Variants in INTS9 observed in about 807,000 individuals in gnomAD.
INTS9 encodes the protein protein related to CPSF subunits of 74 kDa.
In INTS9, 55 loss-of-function variants were observed where a neutral mutation model predicts 79.7. The observed-to-expected ratio is 0.69, with a 90% CI of 0.56 to 0.86. INTS9 has a LOEUF of 0.86. Among genes scored for constraint, INTS9 ranks in the 40% least tolerant of loss-of-function variants. The probability of loss-of-function intolerance (pLI) is 0.00; values close to 1 mark genes in which losing one functional copy is unlikely to be tolerated. For missense variants in INTS9, 721 were observed against 831.5 expected (o/e 0.87, Z 1.64); for synonymous variants, 319 against 325.2 (o/e 0.98, Z 0.20).
At chr8:28,862,203 G>C (rs776366362) in intron 1 of INTS9, 174 of 985,110 alleles carry the variant, frequency 1.8e-4, no homozygotes, top group Middle Eastern at 1.5e-3. Context: ...ATCTACTGAG[G>C]GTTATGAGAC....
intron 11 of INTS9, among the ~76,000 whole-genome samples, chr8:28,786,761 A>C (rs1278183575): frequency 6.6e-6 from 1 of 152,114 alleles, no homozygotes; most frequent in Non-Finnish European, 1.5e-5. Context: ...TCTGTGACCC[A>C]GGCTAGAGTG....
intron 9 of INTS9, among the ~76,000 whole-genome samples, chr8:28,795,288 G>T (rs1199746072): frequency 2.6e-5 from 4 of 152,176 alleles, no homozygotes; most frequent in African/African-American, 9.7e-5. Context: ...TTTGGGAAGT[G>T]ATTAGGTTTA....
chr8:28,818,990 G>A (rs1409125239), intron 6 of INTS9, among the ~76,000 whole-genome samples: 1 of 152,110 alleles, frequency 6.6e-6, no homozygotes, highest in Non-Finnish European at 1.5e-5. Flanking sequence ...TGTGGGATCG[G>A]TGGTGATATC....
intron 8 of INTS9, among the ~76,000 whole-genome samples, chr8:28,810,598 C>T (rs926469171): frequency 2.6e-5 from 4 of 151,816 alleles, no homozygotes; most frequent in Non-Finnish European, 5.9e-5. Flanking sequence ...CAGAACAAGA[C>T]CTTCTCTCTC....
intron 8 of INTS9, 35 bp from the exon 9 acceptor site, chr8:28,796,690 TA>T: frequency 1.6e-6 from 2 of 1,262,178 alleles, no homozygotes; most frequent in Non-Finnish European, 1.2e-6. Context: ...TTAGTAATTT[TA>T]AAAGGAACAT....
chr8:28,886,839 A>T (rs966070621), intron 1 of INTS9, among the ~76,000 whole-genome samples: 26 of 152,232 alleles, frequency 1.7e-4, no homozygotes, highest in Non-Finnish European at 3.1e-4. Context: ...TAAATGGGAA[A>T]CTACATAGCA....
At position 28,834,676 on chromosome 8, in the gene INTS9, G is replaced by GTTTT. The variant is rs35112754; in HGVS notation, c.488+612_488+615dup. Among the ~76,000 whole-genome samples the GTTTT allele has an allele frequency of 6.7e-5, 9 of 134,174 alleles. No individual in the cohort carries two copies. The East Asian group carries it at 1.3e-3, about 20-fold the overall frequency. 88.0% of individuals were successfully genotyped at this position (134,174 alleles called of 152,430 possible). ...CCTACAGCACTGGGGGCAAACATCT[G>GTTTT]TTTTTTTTTTTTTTTTTGAGACAGA... On this transcript the variant is annotated intron_variant, in intron 6 of 16. Transcript: ENST00000521022.
chr8:28,780,662 CTCTT>C (rs1803200921), intron 12 of INTS9, 157 bp downstream of exon 12: 2 of 985,352 alleles, frequency 2.0e-6, no homozygotes, highest in South Asian at 9.4e-5. Context: ...CACTGCTTCA[CTCTT>C]TCTCTGCGGT....
intron 8 of INTS9, among the ~76,000 whole-genome samples, chr8:28,803,327 G>A (rs952333795): frequency 6.6e-6 from 1 of 152,130 alleles, no homozygotes; most frequent in Non-Finnish European, 1.5e-5. Context: ...ATACAGGTTC[G>A]CAGGTCACAA....
chr8:28,770,842 A>T (rs1339063585), intron 15 of INTS9, 140 bp downstream of exon 15: 4 of 680,820 alleles, frequency 5.9e-6, no homozygotes. Context: ...TGGGCACAGC[A>T]GCCTCTCTGA....
chr8:28,774,657 A>G (rs866655017), intron 14 of INTS9, among the ~76,000 whole-genome samples: 6 of 152,170 alleles, frequency 3.9e-5, no homozygotes, highest in Admixed American at 1.3e-4. Context: ...AAGACCTCCA[A>G]CCCAAGGTCT....
intron 6 of INTS9, among the ~76,000 whole-genome samples, chr8:28,828,905 A>G (rs1418187068): frequency 6.6e-6 from 1 of 151,398 alleles, no homozygotes; most frequent in African/African-American, 2.4e-5. Flanking sequence ...CTGGTCTTGA[A>G]CTCCTGACCT....
intron 6 of INTS9, among the ~76,000 whole-genome samples, chr8:28,833,661 CAAAAGAAAAAGA>C (rs1230551772): frequency 5.8e-4 from 84 of 143,624 alleles, no homozygotes; most frequent in Non-Finnish European, 9.5e-4. Flanking sequence ...AAAAAAAAAA[CAAAAGAAAAAGA>C]AAAAGAAAAA....
chr8:28,780,699 A>G (rs1803203128), intron 12 of INTS9, 124 bp downstream of exon 12: 2 of 1,489,416 alleles, frequency 1.3e-6, no homozygotes, highest in African/African-American at 1.4e-5. Context: ...TGGTACCTAC[A>G]GTAGAACAAT....
intron 6 of INTS9, among the ~76,000 whole-genome samples, chr8:28,824,320 A>G (rs781135275): frequency 6.6e-6 from 1 of 152,110 alleles, no homozygotes; most frequent in East Asian, 1.9e-4. Flanking sequence ...TGATTCACCA[A>G]TACATTGAGG....
chr8:28,777,161 C>T (rs569942690), intron 13 of INTS9, among the ~76,000 whole-genome samples: 2 of 152,256 alleles, frequency 1.3e-5, no homozygotes, highest in East Asian at 3.9e-4. Context: ...TGGGCCCCTC[C>T]ACCCTCATCT....
At chr8:28,880,638 T>C (rs1809688263) in intron 1 of INTS9, among the ~76,000 whole-genome samples, 1 of 148,352 alleles carries the variant, frequency 6.7e-6, no homozygotes, top group Non-Finnish European at 1.5e-5. Flanking sequence ...TGCCTTGGCC[T>C]CCCAAAGAGC....
chr8:28,857,760 T>C (rs1001267098), intron 2 of INTS9, among the ~76,000 whole-genome samples: 1 of 152,138 alleles, frequency 6.6e-6, no homozygotes, highest in Non-Finnish European at 1.5e-5. Context: ...GAGAACCAAA[T>C]TCCCTGCCTT....
At chr8:28,839,907 A>G (rs1807060751) in intron 4 of INTS9, among the ~76,000 whole-genome samples, 1 of 146,520 alleles carries the variant, frequency 6.8e-6, no homozygotes, top group East Asian at 2.0e-4. Flanking sequence ...TAAAACACCA[A>G]AAGCAATGGC....
Sources: gnomAD v4.1 joint callset for allele counts (sites outside exome capture counted in the v4.1 genomes callset) on GRCh38, gnomAD v4.1.1 for gene constraint, MANE v1.5 for transcripts, NCBI Gene and HGNC (gene_info 2026-07-23, HGNC 2026-07-21) for gene names.